PEBP4: variants seen among roughly 807,000 people sequenced by gnomAD.
PEBP4 encodes the protein phosphatidylethanolamine-binding protein 4.
PEBP4 carries 22 observed loss-of-function variants against 23.9 expected under a neutral mutation model. That is an observed-to-expected ratio of 0.92 (90% CI 0.66 to 1.31). PEBP4 has a LOEUF of 1.31. PEBP4 is among the 40% of genes most tolerant of loss of function. The pLI, the probability that PEBP4 is intolerant of heterozygous loss-of-function variation, is 0.00. For synonymous variants in PEBP4, 112 were observed against 99.3 expected, an observed-to-expected ratio of 1.13 and a Z score of -0.76; for missense variants, 324 against 281.7, an observed-to-expected ratio of 1.15 and a Z score of -1.07.
At chr8:22,797,998 T>C (rs1424731831) in intron 4 of PEBP4, among the ~76,000 whole-genome samples, 1 of 151,974 alleles carries the variant, frequency 6.6e-6, no homozygotes, top group Non-Finnish European at 1.5e-5. Context: ...CTGGGACAAC[T>C]AGGAAACAAG....
chr8:22,770,615 T>C (rs1805699510), intron 4 of PEBP4, among the ~76,000 whole-genome samples: 1 of 152,194 alleles, frequency 6.6e-6, no homozygotes, highest in Admixed American at 6.5e-5. Context: ...GACTGTGTGA[T>C]TTTTCAATGT....
At chr8:22,905,298 G>C (rs2128777678) in intron 3 of PEBP4, among the ~76,000 whole-genome samples, 1 of 150,010 alleles carries the variant, frequency 6.7e-6, no homozygotes, top group Admixed American at 6.6e-5. Flanking sequence ...AAAAAAAATA[G>C]GCTATTCATC....
chr8:22,790,929 G>A (rs1206744882), intron 4 of PEBP4, among the ~76,000 whole-genome samples: 3 of 152,158 alleles, frequency 2.0e-5, no homozygotes, highest in African/African-American at 7.2e-5. Context: ...TGGGCTCTGT[G>A]AGTAACTGGG....
chr8:22,838,740 C>T (rs1275812358), intron 3 of PEBP4, among the ~76,000 whole-genome samples: 1 of 152,270 alleles, frequency 6.6e-6, no homozygotes, highest in South Asian at 2.1e-4. Context: ...CCTCTGCTCT[C>T]GGCCTAAGCC....
intron 4 of PEBP4, among the ~76,000 whole-genome samples, chr8:22,739,719 A>G (rs924199502): frequency 2.0e-5 from 3 of 152,010 alleles, no homozygotes; most frequent in Admixed American, 1.3e-4. Context: ...CTCCGGCCCT[A>G]GCAGTCCTCC....
intron 3 of PEBP4, among the ~76,000 whole-genome samples, chr8:22,820,158 T>C (rs2128762331): frequency 6.6e-6 from 1 of 152,294 alleles, no homozygotes; most frequent in African/African-American, 2.4e-5. Context: ...ATTGCTTCTA[T>C]TTTTCAATGA....
intron 3 of PEBP4, among the ~76,000 whole-genome samples, chr8:22,902,957 G>A (rs1225841175): frequency 2.0e-5 from 3 of 152,154 alleles, no homozygotes; most frequent in African/African-American, 7.2e-5. Flanking sequence ...GGGTGGAGGT[G>A]AGCGTTGAAC....
At chr8:22,885,076 G>A (rs186579157) in intron 3 of PEBP4, 1 of 152,250 alleles carries the variant, frequency 6.6e-6, no homozygotes, top group Non-Finnish European at 1.5e-5. Context: ...GAAGCTTTTT[G>A]CACCAAGTGG....
chr8:22,747,780 C>T (rs1805159000), intron 4 of PEBP4, among the ~76,000 whole-genome samples: 1 of 152,148 alleles, frequency 6.6e-6, no homozygotes, highest in South Asian at 2.1e-4. Flanking sequence ...CCTGGCTGTT[C>T]CAACGATGGA....
At chr8:22,894,921 C>T (rs1056756592) in intron 3 of PEBP4, among the ~76,000 whole-genome samples, 2 of 152,150 alleles carry the variant, frequency 1.3e-5, no homozygotes, top group Non-Finnish European at 2.9e-5. Flanking sequence ...GCAAGAGAAT[C>T]CTGATTCTCC....
Position 22,798,362 on chromosome 8 carries a change from C to A in PEBP4, c.357+19275G>T, listed in dbSNP as rs546617836. 3.3e-5 allele frequency among the ~76,000 whole-genome samples: 5 copies of A among 152,254 alleles called. 1 individual carries two copies. Among genetic ancestry groups the A allele is most frequent in the African/African-American group, 1.2e-4 (5 of 41,540 alleles). Reference sequence around the variant, plus strand: ...CAGAGCCCATTCCCCCAACTACCTCCTTTATCTACTCTCACACACCAAACC... The same window carrying A: ...CAGAGCCCATTCCCCCAACTACCTCATTTATCTACTCTCACACACCAAACC... On this transcript the variant is annotated intron_variant, in intron 4 of 6. Coordinates refer to ENST00000256404, the MANE Select transcript of PEBP4 (RefSeq NM_144962.3).
At chr8:22,783,862 G>A (rs1402284892) in intron 4 of PEBP4, among the ~76,000 whole-genome samples, 1 of 152,234 alleles carries the variant, frequency 6.6e-6, no homozygotes, top group East Asian at 1.9e-4. Context: ...CTGAGCTCAA[G>A]TGATCTCCCC....
At chr8:22,717,635 G>A (rs532123335) in intron 6 of PEBP4, among the ~76,000 whole-genome samples, 1 of 152,282 alleles carries the variant, frequency 6.6e-6, no homozygotes, top group Non-Finnish European at 1.5e-5. Context: ...GTCCCAGGGC[G>A]GTCTCTGTAA....
intron 4 of PEBP4, among the ~76,000 whole-genome samples, chr8:22,790,034 G>A (rs1235440746): frequency 6.6e-6 from 1 of 152,112 alleles, no homozygotes; most frequent in East Asian, 1.9e-4. Context: ...TGGCCGCTCC[G>A]TCATCCCTCT....
chr8:22,907,398 G>GCTGC (rs1166708109), intron 3 of PEBP4, among the ~76,000 whole-genome samples: 1 of 152,192 alleles, frequency 6.6e-6, no homozygotes, highest in Non-Finnish European at 1.5e-5. Flanking sequence ...TGTAGTCCCA[G>GCTGC]CTGCTTGGGA....
intron 3 of PEBP4, among the ~76,000 whole-genome samples, chr8:22,875,111 G>A (rs933891825): frequency 1.1e-4 from 17 of 151,710 alleles, no homozygotes; most frequent in Non-Finnish European, 1.9e-4. Flanking sequence ...ACTCAGCCTC[G>A]TTAGTGAAAT....
chr8:22,784,138 T>C (rs1306136646), intron 4 of PEBP4, among the ~76,000 whole-genome samples: 4 of 152,190 alleles, frequency 2.6e-5, no homozygotes, highest in African/African-American at 9.7e-5. Context: ...AGACAGCCCC[T>C]GGCCCACAGC....
intron 4 of PEBP4, among the ~76,000 whole-genome samples, chr8:22,760,886 G>T (rs890782541): frequency 6.6e-6 from 1 of 152,194 alleles, no homozygotes; most frequent in Non-Finnish European, 1.5e-5. Flanking sequence ...GACCTTGAAC[G>T]TGTCTCTGAG....
At chr8:22,834,532 A>C (rs1807159775) in intron 3 of PEBP4, among the ~76,000 whole-genome samples, 1 of 152,224 alleles carries the variant, frequency 6.6e-6, no homozygotes, top group African/African-American at 2.4e-5. Context: ...GGTATTGTGC[A>C]GTTGCTGTGG....
Sources: gnomAD v4.1 joint callset for allele counts (sites outside exome capture counted in the v4.1 genomes callset) on GRCh38, gnomAD v4.1.1 for gene constraint, MANE v1.5 for transcripts, NCBI Gene and HGNC (gene_info 2026-07-23, HGNC 2026-07-21) for gene names.